CCDC169: variants seen among roughly 807,000 people sequenced by gnomAD.
CCDC169 encodes coiled-coil domain-containing protein 169.
CCDC169 carries 30 observed loss-of-function variants against 36.0 expected under a neutral mutation model. The observed-to-expected ratio is 0.83, with a 90% CI of 0.62 to 1.13. CCDC169 has a LOEUF of 1.13. Ranked by LOEUF, CCDC169 falls within the 50% of genes most tolerant of loss-of-function variation. The probability of loss-of-function intolerance (pLI) is 0.00; values close to 1 mark genes in which losing one functional copy is unlikely to be tolerated. For missense variants in CCDC169, 245 were observed against 245.9 expected (o/e 1.00, Z 0.03); for synonymous variants, 85 against 81.5 (o/e 1.04, Z -0.23).
chr13:36,258,782 T>G (rs190824516), intron 4 of CCDC169, among the ~76,000 whole-genome samples: 1 of 152,316 alleles, frequency 6.6e-6, no homozygotes, highest in East Asian at 1.9e-4. Flanking sequence ...TGGCCATTCT[T>G]TTATTCCTTT....
intron 2 of CCDC169, among the ~76,000 whole-genome samples, chr13:36,284,946 C>T (rs865800867): frequency 6.6e-5 from 10 of 152,092 alleles, no homozygotes; most frequent in South Asian, 2.1e-4. Context: ...AAGTCATTAA[C>T]CCAAAAGCTT....
At chr13:36,288,854 CAAAT>C (rs1305325689) in intron 2 of CCDC169, among the ~76,000 whole-genome samples, 1 of 151,782 alleles carries the variant, frequency 6.6e-6, no homozygotes, top group African/African-American at 2.4e-5. Flanking sequence ...ATAAAACAAG[CAAAT>C]AATTTTACAT....
chr13:36,275,860 T>C (rs1876735658), intron 4 of CCDC169, among the ~76,000 whole-genome samples: 2 of 152,134 alleles, frequency 1.3e-5, no homozygotes, highest in South Asian at 4.2e-4. Flanking sequence ...GAAGAAAAGA[T>C]AAGTAGGTCA....
rs913591335 is a variant in CCDC169 at position 36,254,079 on chromosome 13, T to G, written c.380A>C (p.Lys127Thr). The change falls in exon 5 of 8, where the codon AAA becomes ACA. Residue 127 changes from lysine (K) to threonine (T), a missense_variant. Lys to Thr is a moderately conservative substitution (Grantham distance 78). Transcript: ENST00000239859. ...TTGTTCCAGTTTAAGTGCATAGTAT[T>G]TCACTTGACTTTCAAGAGTCTTCTT... ...EEKKTLESQV[K>T]YYALKLEQES... 5.2e-6 allele frequency: 8 copies of G among 1,548,740 alleles called. No individual in the cohort carries two copies. Among genetic ancestry groups the G allele is most frequent in the Non-Finnish European group, 6.1e-6 (7 of 1,146,140 alleles).
At chr13:36,262,128 G>C (rs78379403) in intron 4 of CCDC169, among the ~76,000 whole-genome samples, 2,187 of 152,214 alleles carry the variant, frequency 0.014, 45 homozygotes, top group African/African-American at 0.05. Context: ...CACCCAACTT[G>C]AATCTACCAC....
Position 36,297,623 on chromosome 13 carries a change from G to A in CCDC169, c.83+14C>T. 6.5e-7 allele frequency: 1 copy of A among 1,548,256 alleles called. No individual in the cohort carries two copies. Among genetic ancestry groups the A allele is most frequent in the Non-Finnish European group, 8.7e-7 (1 of 1,146,840 alleles). Reference sequence around the variant, plus strand: ...TGTGGACGGGACCCCACACCGCGCCGCCCGCCGACTCACTTCTTGCGGACT... The same window carrying A: ...TGTGGACGGGACCCCACACCGCGCCACCCGCCGACTCACTTCTTGCGGACT... On this transcript the variant is annotated intron_variant, in intron 1 of 7. Transcript: ENST00000239859.
intron 4 of CCDC169, among the ~76,000 whole-genome samples, chr13:36,276,970 A>G (rs1359035897): frequency 6.6e-6 from 1 of 152,178 alleles, no homozygotes; most frequent in East Asian, 1.9e-4. Flanking sequence ...CTCAGAACGT[A>G]TACTTTTAAT....
At chr13:36,230,095 TAAGG>T (rs1276388457), downstream of CCDC169, among the ~76,000 whole-genome samples, 1 of 152,196 alleles carries the variant, frequency 6.6e-6, no homozygotes, top group Non-Finnish European at 1.5e-5. Flanking sequence ...TATTCTTCCT[TAAGG>T]AAAGAAAATA....
chr13:36,230,767 T>G (rs1005287292), downstream of CCDC169: 5 of 986,754 alleles, frequency 5.1e-6, no homozygotes, highest in African/African-American at 8.7e-5. Flanking sequence ...TAAAATGGAC[T>G]TGATTTTCGG....
chr13:36,227,340 C>A, downstream of CCDC169: 2 of 1,551,066 alleles, frequency 1.3e-6, no homozygotes, highest in South Asian at 2.4e-5. Context: ...TGTCTCCAAG[C>A]AGCTGACCTT....
At chr13:36,241,501 C>T (rs1041375424) in intron 7 of CCDC169, among the ~76,000 whole-genome samples, 3 of 152,102 alleles carry the variant, frequency 2.0e-5, no homozygotes, top group Admixed American at 6.6e-5. Flanking sequence ...TCACATTGTA[C>T]ATATTCTTTT....
chr13:36,293,002 C>T (rs1040737632), intron 2 of CCDC169, among the ~76,000 whole-genome samples: 1 of 152,130 alleles, frequency 6.6e-6, no homozygotes, highest in Admixed American at 6.5e-5. Context: ...TTGGTAGAAA[C>T]AGGTAGAAGT....
intron 7 of CCDC169, chr13:36,240,503 T>G (rs946703233): frequency 1.2e-4 from 67 of 567,096 alleles, no homozygotes; most frequent in Non-Finnish European, 2.8e-5. Context: ...TTGTGTTATC[T>G]CTACTGTAGC....
chr13:36,234,416 A>T (rs114984154), intron 7 of CCDC169, among the ~76,000 whole-genome samples: 1 of 152,202 alleles, frequency 6.6e-6, no homozygotes, highest in African/African-American at 2.4e-5. Flanking sequence ...AGAAAAGGAC[A>T]GATAGAATAT....
At chr13:36,288,852 A>G (rs922340164) in intron 2 of CCDC169, among the ~76,000 whole-genome samples, 11 of 152,170 alleles carry the variant, frequency 7.2e-5, no homozygotes, top group African/African-American at 2.7e-4. Context: ...TTATAAAACA[A>G]GCAAATAATT....
intron 4 of CCDC169, among the ~76,000 whole-genome samples, chr13:36,256,684 C>A (rs2138491857): frequency 6.6e-6 from 1 of 152,316 alleles, no homozygotes; most frequent in East Asian, 1.9e-4. Context: ...CAAGGACTGA[C>A]CTCCAGCATG....
intron 2 of CCDC169, among the ~76,000 whole-genome samples, chr13:36,290,849 T>C (rs1200004323): frequency 6.6e-6 from 1 of 152,072 alleles, no homozygotes; most frequent in Non-Finnish European, 1.5e-5. Flanking sequence ...CTAAGTTCCT[T>C]GGCAATAGGG....
downstream of CCDC169, among the ~76,000 whole-genome samples, chr13:36,230,405 T>C (rs936762886): frequency 6.6e-6 from 1 of 152,214 alleles, no homozygotes; most frequent in Non-Finnish European, 1.5e-5. Context: ...AGAACTCTTT[T>C]CTTATCCTCA....
chr13:36,259,404 T>C (rs1368833651), intron 4 of CCDC169, among the ~76,000 whole-genome samples: 1 of 152,210 alleles, frequency 6.6e-6, no homozygotes, highest in Admixed American at 6.5e-5. Flanking sequence ...TTGAACAAAA[T>C]GCTCAAACAA....
Sources: gnomAD v4.1 joint callset for allele counts (sites outside exome capture counted in the v4.1 genomes callset) on GRCh38, gnomAD v4.1.1 for gene constraint, MANE v1.5 for transcripts, NCBI Gene and HGNC (gene_info 2026-07-23, HGNC 2026-07-21) for gene names.